MTFR1: variants seen among roughly 807,000 people sequenced by gnomAD.
The protein encoded by MTFR1 is mitochondrial fission regulator 1, also known as chondrocyte protein with a poly-proline region.
MTFR1 carries 28 observed loss-of-function variants against 38.8 expected under a neutral mutation model. The ratio of observed to expected loss-of-function variants is 0.72; its 90% CI spans 0.53 to 0.99. The LOEUF (loss-of-function observed/expected upper bound fraction) is 0.99, where lower values mean the gene tolerates loss of function less well. Among genes scored for constraint, MTFR1 ranks in the 50% least tolerant of loss-of-function variants. The pLI, the probability that MTFR1 is intolerant of heterozygous loss-of-function variation, is 0.00. For synonymous variants in MTFR1, 145 were observed against 137.0 expected, an observed-to-expected ratio of 1.06 and a Z score of -0.41; for missense variants, 358 against 395.5, an observed-to-expected ratio of 0.91 and a Z score of 0.81.
chr8:65,708,522 CTG>C (rs990320917), intron 7 of MTFR1, among the ~76,000 whole-genome samples: 1 of 152,140 alleles, frequency 6.6e-6, no homozygotes, highest in Middle Eastern at 3.2e-3. Context: ...AAGGTGGAGA[CTG>C]GGTACATTTC....
chr8:65,753,311 GAAATCCCTCT>G (rs925875231), intron 3 of MTFR1, among the ~76,000 whole-genome samples: 10 of 152,192 alleles, frequency 6.6e-5, no homozygotes, highest in Non-Finnish European at 8.8e-5. Context: ...GAGAGCAGAG[GAAATCCCTCT>G]GAGCTCTACT....
At chr8:65,731,086 TAGAC>T (rs1806867830) in intron 3 of MTFR1, among the ~76,000 whole-genome samples, 1 of 152,202 alleles carries the variant, frequency 6.6e-6, no homozygotes, top group Admixed American at 6.5e-5. Flanking sequence ...TATTAGGGAA[TAGAC>T]AGACAAAAAT....
intron 3 of MTFR1, among the ~76,000 whole-genome samples, chr8:65,683,145 T>C (rs1049932699): frequency 1.5e-4 from 23 of 149,662 alleles, no homozygotes; most frequent in African/African-American, 5.4e-4. Context: ...TTTTTTTTTT[T>C]TTTTTTGAGA....
At chr8:65,776,989 A>G in the MTFR1 span, among the ~76,000 whole-genome samples, 47 of 151,858 alleles carry the variant, frequency 3.1e-4, no homozygotes, top group South Asian at 2.9e-3. Context: ...TGGGTTTTGT[A>G]GCTAATGTTT....
At chr8:65,745,242 C>A (rs182765936) in intron 3 of MTFR1, among the ~76,000 whole-genome samples, 1 of 152,196 alleles carries the variant, frequency 6.6e-6, no homozygotes, top group Non-Finnish European at 1.5e-5. Flanking sequence ...ATTACCCAGT[C>A]TCGGGTATGT....
At chr8:65,701,146 A>G (rs1805603560) in intron 4 of MTFR1, among the ~76,000 whole-genome samples, 1 of 152,280 alleles carries the variant, frequency 6.6e-6, no homozygotes, top group African/African-American at 2.4e-5. Flanking sequence ...CTCTTTCTCT[A>G]ATATCTGCCC....
At chr8:65,656,395 G>T (rs184813783) in intron 1 of MTFR1, among the ~76,000 whole-genome samples, 1 of 151,944 alleles carries the variant, frequency 6.6e-6, no homozygotes, top group East Asian at 1.9e-4. Context: ...GTATAATGGT[G>T]CACTCATAGC....
chr8:65,742,383 A>G (rs1311792101), intron 3 of MTFR1, among the ~76,000 whole-genome samples: 3 of 152,134 alleles, frequency 2.0e-5, no homozygotes, highest in East Asian at 3.9e-4. Context: ...AACTCCCTCA[A>G]TCCTACAAAA....
chr8:65,723,302 A>G (rs757443233), intron 3 of MTFR1: 36 of 268,896 alleles, frequency 1.3e-4, no homozygotes, highest in Non-Finnish European at 2.4e-4. Context: ...TCTTATTTAC[A>G]TAAGAACAGA....
chr8:65,707,085 C>T lies in MTFR1; in HGVS notation c.593C>T (p.Ala198Val), dbSNP rs1395110113. ...PPPPPPLPPP[A>V]LGLHQSTSAV... ...CCCCCACCGCCCCTGCCTCCCCCTGCACTGGGGCTCCACCAAAGTACATCT... is the reference window on the plus strand; with the variant it reads ...CCCCCACCGCCCCTGCCTCCCCCTGTACTGGGGCTCCACCAAAGTACATCT... Residue 198 changes from alanine to valine, a missense_variant, in exon 6 of 8, where the codon GCA (alanine) becomes GTA (valine). Transcript: ENST00000262146. The T allele has an allele frequency of 1.2e-6, 2 of 1,612,416 alleles. No homozygotes were observed. Among genetic ancestry groups the T allele is most frequent in the African/African-American group, 2.7e-5 (2 of 74,840 alleles).
At chr8:65,690,691 C>G (rs1268896176) in intron 3 of MTFR1, among the ~76,000 whole-genome samples, 1 of 152,142 alleles carries the variant, frequency 6.6e-6, no homozygotes, top group African/African-American at 2.4e-5. Flanking sequence ...ATATGCCTAA[C>G]TTTCTACCAA....
chr8:65,730,858 G>T (rs1008823329), intron 3 of MTFR1, among the ~76,000 whole-genome samples: 2 of 152,202 alleles, frequency 1.3e-5, no homozygotes, highest in Non-Finnish European at 2.9e-5. Flanking sequence ...AGGAGGTGGA[G>T]GTTGCAGTGA....
intron 3 of MTFR1, among the ~76,000 whole-genome samples, chr8:65,761,508 C>T (rs186774859): frequency 1.2e-4 from 18 of 152,356 alleles, no homozygotes; most frequent in East Asian, 1.2e-3. Flanking sequence ...CAGGCTTGTG[C>T]TAGTTTACAT....
chr8:65,702,819 GGTGAGGA>G (rs1805654822), intron 4 of MTFR1, among the ~76,000 whole-genome samples: 1 of 144,530 alleles, frequency 6.9e-6, no homozygotes, highest in Non-Finnish European at 1.6e-5. Flanking sequence ...CTTTGATATG[GGTGAGGA>G]GCTAAAAAGG....
chr8:65,674,907 G>GT (rs1446116240), intron 2 of MTFR1, among the ~76,000 whole-genome samples: 1 of 152,134 alleles, frequency 6.6e-6, no homozygotes, highest in Non-Finnish European at 1.5e-5. Context: ...GAACTATAAT[G>GT]TGAACCCAAT....
chr8:65,670,134 T>C (rs367723571), intron 2 of MTFR1, 116 bp downstream of exon 2: 2 of 809,602 alleles, frequency 2.5e-6, no homozygotes, highest in East Asian at 5.9e-5. Flanking sequence ...TATGTTTATG[T>C]ACTGTTTAAT....
At chr8:65,713,832 C>T (rs1806026747), downstream of MTFR1, among the ~76,000 whole-genome samples, 1 of 152,012 alleles carries the variant, frequency 6.6e-6, no homozygotes, top group East Asian at 1.9e-4. Flanking sequence ...TACAGGCGCA[C>T]ACCACTATGC....
In MTFR1 at chr8:65,664,117, T is replaced by C. The variant is rs563370800; in HGVS notation, c.-80-5756T>C. Reference sequence around the variant, plus strand: ...AGGCGTGAGCCATTGCACCCGGCCATGTTAGGCAGTTTCTATTAAAACTAT... The same window carrying C: ...AGGCGTGAGCCATTGCACCCGGCCACGTTAGGCAGTTTCTATTAAAACTAT... On this transcript the variant is annotated intron_variant, in intron 1 of 7. Coordinates refer to ENST00000262146, the MANE Select transcript of MTFR1 (RefSeq NM_014637.4). Among the ~76,000 whole-genome samples, 69 of 152,228 alleles carry C rather than the reference T, an allele frequency of 4.5e-4. 1 individual carries two copies. Among genetic ancestry groups the C allele is most frequent in the Admixed American group, 3.3e-3 (50 of 15,286 alleles).
intron 3 of MTFR1, among the ~76,000 whole-genome samples, chr8:65,734,053 A>G (rs577241185): frequency 6.6e-6 from 1 of 152,176 alleles, no homozygotes; most frequent in East Asian, 1.9e-4. Flanking sequence ...TCTATACTTC[A>G]GACTCTTTTA....
Sources: gnomAD v4.1 joint callset for allele counts (sites outside exome capture counted in the v4.1 genomes callset) on GRCh38, gnomAD v4.1.1 for gene constraint, MANE v1.5 for transcripts, NCBI Gene and HGNC (gene_info 2026-07-23, HGNC 2026-07-21) for gene names.